Variants in KCNH8 observed in about 807,000 individuals in gnomAD.
KCNH8 encodes potassium voltage-gated channel subfamily H member 8.
KCNH8 carries 70 observed loss-of-function variants against 103.6 expected under a neutral mutation model. That is an observed-to-expected ratio of 0.68 (90% CI 0.56 to 0.82). The LOEUF (loss-of-function observed/expected upper bound fraction) is 0.82. Ranked by LOEUF, KCNH8 falls within the 40% of genes least tolerant of loss-of-function variation. The pLI, the probability that KCNH8 is intolerant of heterozygous loss-of-function variation, is 0.00. For synonymous variants in KCNH8, 498 were observed against 489.4 expected, an observed-to-expected ratio of 1.02 and a Z score of -0.23; for missense variants, 1,217 against 1,329.9, an observed-to-expected ratio of 0.92 and a Z score of 1.32.
chr3:19,164,748 C>T (rs966676131), intron 1 of KCNH8, among the ~76,000 whole-genome samples: 16 of 152,160 alleles, frequency 1.1e-4, no homozygotes, highest in African/African-American at 3.9e-4. Flanking sequence ...TATAAAGTCG[C>T]CAACTGGCAA....
At chr3:19,255,210 G>A (rs1185797918) in intron 2 of KCNH8, among the ~76,000 whole-genome samples, 2 of 152,098 alleles carry the variant, frequency 1.3e-5, no homozygotes, top group East Asian at 1.9e-4. Context: ...AACCAAACCT[G>A]TCAGCACCGT....
chr3:19,284,147 A>G (rs548741980), intron 3 of KCNH8, among the ~76,000 whole-genome samples: 3 of 152,210 alleles, frequency 2.0e-5, no homozygotes, highest in Admixed American at 2.0e-4. Flanking sequence ...ATAACATTAA[A>G]AAAAACTAAA....
In KCNH8 at chr3:19,296,011, G is replaced by A. The variant is rs1226093702; in HGVS notation, c.442+14682G>A. Among the ~76,000 whole-genome samples the A allele has an allele frequency of 2.0e-5, 3 of 152,194 alleles. No homozygotes were observed. The East Asian group carries it at 5.8e-4, about 29-fold the overall frequency. On this transcript the variant is annotated intron_variant, in intron 3 of 15. Transcript: ENST00000328405. The stretch of plus-strand genomic sequence containing the variant: ...ACAGTAGGAAAAAAAGTGTCCAGGA[G>A]TCACTATGTATCAATCCTGCTTATC...
intron 15 of KCNH8, among the ~76,000 whole-genome samples, chr3:19,525,884 G>C (rs1266734625): frequency 2.0e-5 from 3 of 151,880 alleles, no homozygotes; most frequent in African/African-American, 7.2e-5. Flanking sequence ...TGAAATGTAT[G>C]CAAGTGCTGA....
At chr3:19,367,022 TC>T (rs1028488333) in intron 5 of KCNH8, among the ~76,000 whole-genome samples, 1 of 151,950 alleles carries the variant, frequency 6.6e-6, no homozygotes, top group Admixed American at 6.6e-5. Context: ...AGAAGACCCT[TC>T]AGGGTCTTGA....
At chr3:19,285,700 G>GT (rs1002649448) in intron 3 of KCNH8, among the ~76,000 whole-genome samples, 5 of 144,896 alleles carry the variant, frequency 3.5e-5, no homozygotes, top group African/African-American at 5.2e-5. Context: ...AGTTGACATA[G>GT]TAAAAAAAAA....
At chr3:19,258,333 T>A (rs2064372976) in intron 2 of KCNH8, among the ~76,000 whole-genome samples, 1 of 152,066 alleles carries the variant, frequency 6.6e-6, no homozygotes, top group African/African-American at 2.4e-5. Context: ...CCACTGATTC[T>A]CTGTGGAGGT....
intron 1 of KCNH8, among the ~76,000 whole-genome samples, chr3:19,174,903 C>A (rs1386354217): frequency 6.6e-6 from 1 of 152,104 alleles, no homozygotes; most frequent in Non-Finnish European, 1.5e-5. Context: ...TAATGAAAAT[C>A]ATTGTAAATG....
intron 3 of KCNH8, among the ~76,000 whole-genome samples, chr3:19,332,621 T>C (rs966800464): frequency 6.6e-6 from 1 of 152,074 alleles, no homozygotes; most frequent in African/African-American, 2.4e-5. Flanking sequence ...TTAGATTGAC[T>C]GTTTTTCTTT....
intron 1 of KCNH8, among the ~76,000 whole-genome samples, chr3:19,205,559 A>G (rs926513062): frequency 6.6e-6 from 1 of 152,030 alleles, no homozygotes; most frequent in Non-Finnish European, 1.5e-5. Flanking sequence ...ATAGTTACAC[A>G]TAGATTTGTT....
chr3:19,516,245 G>A (rs537325033), intron 14 of KCNH8, among the ~76,000 whole-genome samples: 135 of 152,082 alleles, frequency 8.9e-4, no homozygotes, highest in Admixed American at 1.9e-3. Context: ...ATCCCTTTAT[G>A]AACAAAGCCA....
At chr3:19,299,313 C>G (rs2065034623) in intron 3 of KCNH8, among the ~76,000 whole-genome samples, 1 of 151,958 alleles carries the variant, frequency 6.6e-6, no homozygotes, top group Non-Finnish European at 1.5e-5. Context: ...TGGCCAGACA[C>G]AGTGTCTGAT....
chr3:19,392,436 T>A (rs948358256), intron 6 of KCNH8, among the ~76,000 whole-genome samples: 8 of 152,008 alleles, frequency 5.3e-5, no homozygotes, highest in Admixed American at 1.3e-4. Flanking sequence ...AAATTCGTTA[T>A]CCCTCTTAAA....
In KCNH8 at chr3:19,253,969, A is replaced by G. The variant is rs2064313559; in HGVS notation, c.310+82A>G. 10 of 919,368 alleles carry G rather than the reference A, an allele frequency of 1.1e-5. No homozygotes were observed. The South Asian group carries it at 1.4e-4, about 13-fold the overall frequency. 57.0% of individuals were successfully genotyped at this position (919,368 alleles called of 1,614,324 possible). A position where few individuals can be genotyped will look rare whatever the true frequency, so the allele number is the denominator to read the frequency against. On this transcript the variant is annotated intron_variant, in intron 2 of 15. Transcript: ENST00000328405. Reference sequence around the variant, plus strand: ...ACCTAGTAATTGCTCCGCAACTCCCATTAAGGCTTAATGGCATTTCACATA... The same window carrying G: ...ACCTAGTAATTGCTCCGCAACTCCCGTTAAGGCTTAATGGCATTTCACATA...
At chr3:19,533,340 TG>T in intron 15 of KCNH8, 54 bp from the exon 16 acceptor site, 1 of 1,022,686 alleles carries the variant, frequency 9.8e-7, no homozygotes, top group Non-Finnish European at 1.5e-6. Context: ...CTCTGAAATG[TG>T]GTCACTACTA....
At chr3:19,405,396 T>G (rs963673560) in intron 7 of KCNH8, among the ~76,000 whole-genome samples, 2 of 151,898 alleles carry the variant, frequency 1.3e-5, no homozygotes, top group African/African-American at 4.8e-5. Context: ...AGTTTTATAT[T>G]TTCTGAGTTT....
chr3:19,184,248 C>T (rs572598917), intron 1 of KCNH8, among the ~76,000 whole-genome samples: 2 of 152,062 alleles, frequency 1.3e-5, no homozygotes, highest in Admixed American at 1.3e-4. Flanking sequence ...ACCACCTAAA[C>T]ATGGCAGAAT....
intron 3 of KCNH8, among the ~76,000 whole-genome samples, chr3:19,336,718 A>G (rs2065589815): frequency 6.6e-6 from 1 of 152,008 alleles, no homozygotes; most frequent in Non-Finnish European, 1.5e-5. Flanking sequence ...AATTTAGAAC[A>G]TAAAAATTTA....
intron 7 of KCNH8, among the ~76,000 whole-genome samples, chr3:19,437,409 CAATT>C (rs1225268258): frequency 3.3e-5 from 5 of 152,074 alleles, no homozygotes; most frequent in African/African-American, 9.7e-5. Flanking sequence ...TCTGACAGCA[CAATT>C]AATATACAAT....
Sources: allele counts gnomAD v4.1 joint callset (sites outside exome capture counted in the v4.1 genomes callset), GRCh38; gene constraint gnomAD v4.1.1; transcripts MANE v1.5; gene names NCBI Gene and HGNC (gene_info 2026-07-23, HGNC 2026-07-21).